Variants in RABGAP1L observed in about 807,000 individuals in gnomAD.
RABGAP1L encodes the protein rab GTPase-activating protein 1-like.
A neutral mutation model predicts 137.7 loss-of-function variants in RABGAP1L; 63 were observed. The ratio of observed to expected loss-of-function variants is 0.46; its 90% CI spans 0.37 to 0.56. The LOEUF (loss-of-function observed/expected upper bound fraction) is 0.56, where lower values mean the gene tolerates loss of function less well. Ranked by LOEUF, RABGAP1L falls within the 20% of genes least tolerant of loss-of-function variation. RABGAP1L has a pLI of 0.00. For synonymous variants in RABGAP1L, 431 were observed against 433.7 expected, an observed-to-expected ratio of 0.99 and a Z score of 0.08; for missense variants, 1,095 against 1,244.0, an observed-to-expected ratio of 0.88 and a Z score of 1.80.
intron 13 of RABGAP1L, among the ~76,000 whole-genome samples, chr1:174,618,210 C>T (rs1672089373): frequency 6.6e-6 from 1 of 152,210 alleles, no homozygotes; most frequent in Non-Finnish European, 1.5e-5. Context: ...GACTCCACCT[C>T]TGGGGGCACA....
At chr1:174,624,148 C>A (rs1672759755) in intron 13 of RABGAP1L, among the ~76,000 whole-genome samples, 1 of 152,148 alleles carries the variant, frequency 6.6e-6, no homozygotes, top group Non-Finnish European at 1.5e-5. Context: ...CTGGGCATGC[C>A]AAGTGCTTTC....
chr1:174,497,146 A>AT (rs1272953942), intron 13 of RABGAP1L, among the ~76,000 whole-genome samples: 2 of 152,180 alleles, frequency 1.3e-5, no homozygotes, highest in African/African-American at 4.8e-5. Flanking sequence ...ATTAGCTTTA[A>AT]TATTAATAGA....
chr1:174,798,258 A>G (rs1196118305), intron 18 of RABGAP1L, among the ~76,000 whole-genome samples: 2 of 150,408 alleles, frequency 1.3e-5, no homozygotes, highest in African/African-American at 2.5e-5. Flanking sequence ...AAAAAAAAAA[A>G]TAGCTGGGTG....
Position 174,711,268 on chromosome 1 carries a change from G to T in RABGAP1L, c.2169+9012G>T, listed in dbSNP as rs913885926. Among the ~76,000 whole-genome samples the T allele has an allele frequency of 3.3e-5, 5 of 152,144 alleles. No homozygotes were observed. The East Asian group carries it at 7.7e-4, about 24-fold the overall frequency. ...AGGGAGCCAGCTCCAGCCTTGGCCAGCCCAGGAAGGGGCTCCCACAGTGCA... is the reference window on the plus strand; with the variant it reads ...AGGGAGCCAGCTCCAGCCTTGGCCATCCCAGGAAGGGGCTCCCACAGTGCA... On this transcript the variant is annotated intron_variant, in intron 17 of 25. Transcript: ENST00000681986.
chr1:174,632,465 C>T (rs1673487776), intron 13 of RABGAP1L, among the ~76,000 whole-genome samples: 1 of 149,468 alleles, frequency 6.7e-6, no homozygotes, highest in South Asian at 2.1e-4. Flanking sequence ...GGAAGTTCTC[C>T]TGGATAATAT....
intron 18 of RABGAP1L, among the ~76,000 whole-genome samples, chr1:174,770,328 C>T (rs1208766806): frequency 6.6e-6 from 1 of 152,094 alleles, no homozygotes; most frequent in Non-Finnish European, 1.5e-5. Flanking sequence ...TTAGGATACT[C>T]AAGGAATTTT....
chr1:174,475,748 G>A (rs1291655036), intron 13 of RABGAP1L, among the ~76,000 whole-genome samples: 2 of 121,660 alleles, frequency 1.6e-5, no homozygotes, highest in Admixed American at 1.0e-4. Flanking sequence ...TCCAGCCTGA[G>A]TGACAGACTG....
At chr1:174,583,700 T>C (rs1237969804) in intron 13 of RABGAP1L, among the ~76,000 whole-genome samples, 1 of 152,176 alleles carries the variant, frequency 6.6e-6, no homozygotes, top group Admixed American at 6.5e-5. Flanking sequence ...TGATCTGGCT[T>C]CCTGGTAACA....
At chr1:174,574,291 G>A (rs1393495907) in intron 13 of RABGAP1L, among the ~76,000 whole-genome samples, 1 of 152,078 alleles carries the variant, frequency 6.6e-6, no homozygotes, top group Non-Finnish European at 1.5e-5. Context: ...ATGTGTAAAA[G>A]AAAGATGGTG....
At chr1:174,581,790 C>T (rs545346631) in intron 13 of RABGAP1L, among the ~76,000 whole-genome samples, 12 of 151,970 alleles carry the variant, frequency 7.9e-5, no homozygotes, top group African/African-American at 2.4e-4. Context: ...AAGGTAGGAG[C>T]AATAGAAGTG....
intron 19 of RABGAP1L, among the ~76,000 whole-genome samples, chr1:174,940,233 G>A (rs546715982): frequency 4.0e-5 from 6 of 149,930 alleles, no homozygotes; most frequent in African/African-American, 1.5e-4. Flanking sequence ...CCTTTCAATT[G>A]CTACCTTTCT....
intron 13 of RABGAP1L, among the ~76,000 whole-genome samples, chr1:174,613,164 G>T (rs1671437033): frequency 6.7e-6 from 1 of 149,930 alleles, no homozygotes; most frequent in African/African-American, 2.4e-5. Context: ...GTCAATTTTG[G>T]ATCTTTCCTG....
At chr1:174,642,023 C>G (rs1202344013) in intron 14 of RABGAP1L, among the ~76,000 whole-genome samples, 2 of 152,126 alleles carry the variant, frequency 1.3e-5, no homozygotes, top group Non-Finnish European at 2.9e-5. Context: ...ATATACATCT[C>G]TTTATAAGAC....
At chr1:174,420,745 G>A (rs1211147097) in intron 13 of RABGAP1L, among the ~76,000 whole-genome samples, 1 of 150,850 alleles carries the variant, frequency 6.6e-6, no homozygotes, top group Non-Finnish European at 1.5e-5. Context: ...CGTAAGCTCG[G>A]CTCACTGCAA....
chr1:174,977,068 A>C (rs989084895), intron 22 of RABGAP1L, among the ~76,000 whole-genome samples: 1 of 152,240 alleles, frequency 6.6e-6, no homozygotes, highest in African/African-American at 2.4e-5. Flanking sequence ...AATGAGTTTC[A>C]TTCTGAGACA....
intron 13 of RABGAP1L, among the ~76,000 whole-genome samples, chr1:174,480,543 C>T (rs1468791955): frequency 1.3e-5 from 2 of 152,214 alleles, no homozygotes; most frequent in Non-Finnish European, 2.9e-5. Flanking sequence ...CTTTTCTGCT[C>T]CTCCGCCTTT....
In RABGAP1L at chr1:174,993,682, T is replaced by C. The variant is rs1466205203; in HGVS notation, c.*3681T>C. 6.6e-6 allele frequency: 1 copy of C among 152,248 alleles called. No homozygotes were observed. Among genetic ancestry groups the C allele is most frequent in the Non-Finnish European group, 1.5e-5 (1 of 68,048 alleles). The allele number at this position is 152,248 out of a possible 1,614,324, so 9.4% of individuals were successfully genotyped here. A position where few individuals can be genotyped will look rare whatever the true frequency, so the allele number is the denominator to read the frequency against. Reference sequence around the variant, plus strand: ...TCCCACCAACCTTTGCATCAAACACTTAGGTACCTGCCTGATTAGGGGGGC... The same window carrying C: ...TCCCACCAACCTTTGCATCAAACACCTAGGTACCTGCCTGATTAGGGGGGC... On this transcript the variant is annotated 3_prime_UTR_variant, in exon 26 of 26. Transcript: ENST00000681986.
intron 18 of RABGAP1L, among the ~76,000 whole-genome samples, chr1:174,785,759 T>G (rs1386991215): frequency 1.3e-5 from 2 of 152,236 alleles, no homozygotes; most frequent in Non-Finnish European, 2.9e-5. Flanking sequence ...CACCGTTATG[T>G]GCAGACCATA....
intron 13 of RABGAP1L, among the ~76,000 whole-genome samples, chr1:174,573,283 TTATATG>T (rs1215939061): frequency 6.6e-6 from 1 of 151,738 alleles, no homozygotes; most frequent in Non-Finnish European, 1.5e-5. Context: ...CTATATATGT[TTATATG>T]TATGTGTGTA....
Sources: gnomAD v4.1 joint callset for allele counts (sites outside exome capture counted in the v4.1 genomes callset) on GRCh38, gnomAD v4.1.1 for gene constraint, MANE v1.5 for transcripts, NCBI Gene and HGNC (gene_info 2026-07-23, HGNC 2026-07-21) for gene names.